The following TTLL10 variants were observed in gnomAD, a reference collection of about 807,000 sequenced individuals.
TTLL10 encodes the protein tubulin tyrosine ligase like 10.
Under a neutral mutation model 69.0 loss-of-function variants are expected in TTLL10, and 61 were observed. The ratio of observed to expected loss-of-function variants is 0.88; its 90% CI spans 0.72 to 1.09. TTLL10 has a LOEUF of 1.09. TTLL10 is among the 50% of genes least tolerant of loss of function. The pLI, the probability that TTLL10 is intolerant of heterozygous loss-of-function variation, is 0.00. For missense variants in TTLL10, 962 were observed against 945.9 expected (o/e 1.02, Z -0.22); for synonymous variants, 408 against 393.3 (o/e 1.04, Z -0.44).
At position 1,185,155 on chromosome 1, in the gene TTLL10, C is replaced by T. The variant is rs372648053; in HGVS notation, c.1401+46C>T. 143 of 1,596,066 alleles carry T rather than the reference C, an allele frequency of 9.0e-5. No homozygotes were observed. Among genetic ancestry groups the T allele is most frequent in the African/African-American group, 1.3e-4 (10 of 74,122 alleles). On this transcript the variant is annotated intron_variant, in intron 13 of 15. Coordinates refer to ENST00000379289, the MANE Select transcript of TTLL10 (RefSeq NM_001130045.2). The surrounding 1 kb of genome is among the most constrained non-coding windows in gnomAD (Gnocchi z 6.1). ...AGTCTGGGAGTGAGATCCCTCGGGG[C>T]GGGGGTGTGTGGTCAGGCTGGGCAC...
Position 1,180,571 on chromosome 1 carries a change from A to G in TTLL10, c.595A>G (p.Ser199Gly). 1 of 1,551,816 alleles carries G rather than the reference A, an allele frequency of 6.4e-7. No individual in the cohort carries two copies. The highest frequency in any genetic ancestry group is 8.7e-7 in the Non-Finnish European group (1 of 1,147,312). The change falls in exon 7 of 16, where the codon AGC becomes GGC. Residue 199 changes from serine (S) to glycine (G), a missense_variant. Transcript: ENST00000379289. ...CACGCTGAAGTGGTGTGAGGTCAAG[A>G]GCCGAGACAGCTACGGCAGCTTCCG... ...DYTLKWCEVK[S>G]RDSYGSFREG...
chr1:1,178,509 C>T (rs1646940743), intron 3 of TTLL10, among the ~76,000 whole-genome samples: 1 of 151,332 alleles, frequency 6.6e-6, no homozygotes, highest in Non-Finnish European at 1.5e-5. Flanking sequence ...TGCAGTGAGC[C>T]TAGATCGCCC....
At chr1:1,189,796 T>A (rs955366499) in intron 13 of TTLL10, among the ~76,000 whole-genome samples, 1 of 152,322 alleles carries the variant, frequency 6.6e-6, no homozygotes, top group South Asian at 2.1e-4. Flanking sequence ...TTCTAATCTT[T>A]AGTCTGCTTT....
At chr1:1,190,950 C>A (rs1005249505) in intron 13 of TTLL10, among the ~76,000 whole-genome samples, 1 of 152,134 alleles carries the variant, frequency 6.6e-6, no homozygotes, top group African/African-American at 2.4e-5. Context: ...CTCAGCCTCC[C>A]GAGTAGCTGG....
At position 1,180,532 on chromosome 1, in the gene TTLL10, C is replaced by T. The variant is rs1383958280; in HGVS notation, c.556C>T (p.Arg186Cys). 1.9e-5 allele frequency: 30 copies of T among 1,553,250 alleles called. No individual in the cohort carries two copies. Among genetic ancestry groups the T allele is most frequent in the Non-Finnish European group, 2.6e-5 (30 of 1,148,124 alleles). ...SKGWQRIHDSRRDDYTLKWCE... is the reference protein window; with the variant it reads ...SKGWQRIHDSCRDDYTLKWCE... ...GGGCTGGCAGCGCATCCATGACAGCCGCCGGGACGACTACACGCTGAAGTG... is the reference window on the plus strand; with the variant it reads ...GGGCTGGCAGCGCATCCATGACAGCTGCCGGGACGACTACACGCTGAAGTG... The change falls in exon 7 of 16, where the codon CGC (arginine) becomes TGC (cysteine). Residue 186 changes from arginine to cysteine, a missense_variant. By Grantham distance (180) the Arg-to-Cys change is radical (BLOSUM62 -3). Coordinates refer to ENST00000379289, the MANE Select transcript of TTLL10 (RefSeq NM_001130045.2).
At position 1,180,196 on chromosome 1, in the gene TTLL10, G is replaced by A. The variant is rs142661836; in HGVS notation, c.362G>A (p.Arg121Gln). Residue 121 changes from arginine to glutamine, a missense_variant, in exon 6 of 16, where the codon CGG (arginine) becomes CAG (glutamine). By Grantham distance (43) the Arg-to-Gln change is conservative. Transcript: ENST00000379289. Reference protein sequence around the residue: ...PGPPGLLNSHRPADSDDTNAA... With the variant: ...PGPPGLLNSHQPADSDDTNAA... ...CCCCCTGGGCTCCTGAACAGCCACC[G>A]GCCTGCAGACTCGGATGACACTAAC... The A allele has an allele frequency of 2.9e-5, 47 of 1,611,244 alleles. No homozygotes were observed. Among genetic ancestry groups the A allele is most frequent in the African/African-American group, 1.3e-4 (10 of 75,004 alleles).
At chr1:1,183,884 T>A in intron 11 of TTLL10, 36 bp from the exon 12 acceptor site, 4 of 1,612,294 alleles carry the variant, frequency 2.5e-6, no homozygotes, top group Non-Finnish European at 3.4e-6. Context: ...GCTGGCCCCG[T>A]GGCTCAGCCC....
intron 14 of TTLL10, 53 bp downstream of exon 14, chr1:1,196,769 C>T (rs1648242849): frequency 2.4e-6 from 3 of 1,262,580 alleles, no homozygotes; most frequent in Non-Finnish European, 3.4e-6. Context: ...GAGGCAGGGG[C>T]CATCTGTACA....
At position 1,197,483 on chromosome 1, in the gene TTLL10, T is replaced by A; in HGVS notation, c.1658T>A (p.Met553Lys). 6.5e-7 allele frequency: 1 copy of A among 1,545,238 alleles called. No individual in the cohort carries two copies. The highest frequency in any genetic ancestry group is 8.7e-7 in the Non-Finnish European group (1 of 1,145,508). Residue 553 changes from methionine (M) to lysine (K), a missense_variant, in exon 16 of 16, where the codon ATG (methionine) becomes AAG (lysine). Met to Lys is a moderately conservative substitution (Grantham distance 95, BLOSUM62 -1). Coordinates refer to ENST00000379289, the MANE Select transcript of TTLL10 (RefSeq NM_001130045.2). ...TFRKSLRGQKMLPLLSQRRFV... is the reference protein window; with the variant it reads ...TFRKSLRGQKKLPLLSQRRFV... The stretch of plus-strand genomic sequence containing the variant: ...CGGAAGAGCCTGCGCGGCCAGAAGA[T>A]GTTGCCTCTGCTGTCCCAGCGCCGC...
At chr1:1,176,149 G>A (rs1463992292) in intron 3 of TTLL10, 1 of 449,136 alleles carries the variant, frequency 2.2e-6, no homozygotes, top group African/African-American at 2.1e-5. Context: ...CTGTGCAGGT[G>A]GAGAGAGGCT....
chr1:1,176,996 CTG>C (rs1646889183), intron 3 of TTLL10, among the ~76,000 whole-genome samples: 2 of 151,908 alleles, frequency 1.3e-5, no homozygotes, highest in African/African-American at 4.8e-5. Flanking sequence ...CTGTGTGCGT[CTG>C]TGTGTCTGTG....
chr1:1,180,639 G>T, intron 7 of TTLL10, 38 bp downstream of exon 7: 1 of 1,552,788 alleles, frequency 6.4e-7, no homozygotes, highest in Non-Finnish European at 8.7e-7. Flanking sequence ...CAGCCTGCAG[G>T]GGCCTCCTGG....
At chr1:1,177,229 C>T (rs1646905639) in intron 3 of TTLL10, among the ~76,000 whole-genome samples, 1 of 149,306 alleles carries the variant, frequency 6.7e-6, no homozygotes, top group Non-Finnish European at 1.5e-5. Context: ...TGTGTCTGTG[C>T]ATCTGTGCAA....
At chr1:1,180,430 T>A in intron 6 of TTLL10, 53 bp from the exon 7 acceptor site, 6 of 1,528,116 alleles carry the variant, frequency 3.9e-6, no homozygotes, top group Non-Finnish European at 4.4e-6. Flanking sequence ...CCGCCCGCCA[T>A]CCCCAACCCC....
At chr1:1,179,389 G>A in intron 4 of TTLL10, 56 bp downstream of exon 4, 4 of 1,488,282 alleles carry the variant, frequency 2.7e-6, no homozygotes, top group Non-Finnish European at 3.7e-6. Context: ...GGCCTCCCTG[G>A]GACGGGTGCC....
intron 10 of TTLL10, 93 bp from the exon 11 acceptor site, chr1:1,182,783 T>A: frequency 6.9e-7 from 1 of 1,449,760 alleles, no homozygotes; most frequent in Non-Finnish European, 9.2e-7. Flanking sequence ...GGGCCGAGGG[T>A]CGCAGCCTGG....
Position 1,196,605 on chromosome 1 carries a change from G to C in TTLL10, c.1407G>C (p.Arg469=), listed in dbSNP as rs199725355. 2.6e-6 allele frequency: 4 copies of C among 1,551,352 alleles called. No homozygotes were observed. The highest frequency in any genetic ancestry group is 3.9e-5 in the Admixed American group (2 of 51,002). Residue 469 remains arginine, a synonymous_variant, in exon 14 of 16, where the codon CGG becomes CGC. Coordinates refer to ENST00000379289, the MANE Select transcript of TTLL10 (RefSeq NM_001130045.2). ...KDWVFTTLKK[R]MQQIMAHCFL... The stretch of plus-strand genomic sequence containing the variant: ...GCCTCCCTGCCTCCCTGCAGAAGCG[G>C]ATGCAGCAGATCATGGCCCACTGCT...
rs60686192 is a variant in TTLL10 at position 1,180,359 on chromosome 1, C to T, written c.506+19C>T. 8,893 of 1,546,134 alleles carry T rather than the reference C, an allele frequency of 5.8e-3. 253 individuals are homozygous for T. In the African/African-American group the frequency reaches 0.079, roughly 14 times the overall value. On this transcript the variant is annotated intron_variant, in intron 6 of 15. Coordinates refer to ENST00000379289, the MANE Select transcript of TTLL10 (RefSeq NM_001130045.2). Reference sequence around the variant, plus strand: ...CCACAATGTGAGTAGCGGCCCTGGGCGCCCGTGGTCCCACTGAATACCCAC... The same window carrying T: ...CCACAATGTGAGTAGCGGCCCTGGGTGCCCGTGGTCCCACTGAATACCCAC...
rs758076350 is a variant in TTLL10, at chr1:1,197,866, A to AGCGCCCC, written c.*34_*40dup. The AGCGCCCC allele has an allele frequency of 5.5e-5, 78 of 1,421,082 alleles. No homozygotes were observed. The highest frequency in any genetic ancestry group is 7.0e-5 in the Non-Finnish European group (76 of 1,087,316). The allele number at this position is 1,421,082 out of a possible 1,614,324, so 88.0% of individuals were successfully genotyped here. On this transcript the variant is annotated 3_prime_UTR_variant, in exon 16 of 16. Transcript: ENST00000379289. ...GCCCTAGGGGCAGCCACCCGCGCCC[A>AGCGCCCC]GCGCCCCGCGCCCCGCGCCCCAGCC... is the stretch of plus-strand genomic sequence containing the variant.
Sources: gnomAD v4.1 joint callset for allele counts (sites outside exome capture counted in the v4.1 genomes callset) on GRCh38, gnomAD v4.1.1 for gene constraint, Gnocchi (gnomAD v3.1) non-coding constraint, MANE v1.5 for transcripts, NCBI Gene and HGNC (gene_info 2026-07-23, HGNC 2026-07-21) for gene names.